The following ZNF704 variants were observed in gnomAD, a reference collection of about 807,000 sequenced individuals.
The protein encoded by ZNF704 is zinc finger protein 704, also known as glucocorticoid induced gene 1.
Under a neutral mutation model 44.7 loss-of-function variants are expected in ZNF704, and 10 were observed. The ratio of observed to expected loss-of-function variants is 0.22; its 90% confidence interval spans 0.14 to 0.38. The LOEUF (loss-of-function observed/expected upper bound fraction) is 0.38, where lower values mean the gene tolerates loss of function less well. ZNF704 is among the 10% of genes least tolerant of loss of function. ZNF704 has a pLI of 1.00. For missense variants in ZNF704, 390 were observed against 545.5 expected (o/e 0.71, Z 2.84); for synonymous variants, 211 against 207.6 (o/e 1.02, Z -0.14).
intron 7 of ZNF704, among the ~76,000 whole-genome samples, chr8:80,648,412 A>G (rs951850909): frequency 2.0e-5 from 3 of 152,154 alleles, no homozygotes; most frequent in African/African-American, 7.2e-5. Context: ...CAGACTTTTA[A>G]TGGCAAGACA....
rs943210939 is a variant in ZNF704 at position 80,853,220 on chromosome 8, G to T, written c.-22+21351C>A. Among the ~76,000 whole-genome samples the T allele has an allele frequency of 5.3e-5, 8 of 152,170 alleles. No homozygotes were observed. In the South Asian group the frequency reaches 8.3e-4, roughly 16 times the overall value. The stretch of plus-strand genomic sequence containing the variant: ...CTCTGTAAAACAAAGACAAAAATTA[G>T]CCAGGCATGGTGGTGTGTTCCTGTA... On this transcript the variant is annotated intron_variant, in intron 1 of 8. Coordinates refer to ENST00000327835, the MANE Select transcript of ZNF704 (RefSeq NM_001033723.3).
At chr8:80,852,498 G>A (rs1808881655) in intron 1 of ZNF704, among the ~76,000 whole-genome samples, 1 of 152,146 alleles carries the variant, frequency 6.6e-6, no homozygotes, top group South Asian at 2.1e-4. Context: ...ATGGCACAAA[G>A]TCATCATTGT....
chr8:80,752,771 C>T (rs534825562), intron 2 of ZNF704, among the ~76,000 whole-genome samples: 1 of 152,128 alleles, frequency 6.6e-6, no homozygotes, highest in Admixed American at 6.5e-5. Context: ...AAACTCCCGA[C>T]CTCAGGTGAT....
At chr8:80,721,019 C>T (rs59274908) in intron 2 of ZNF704, among the ~76,000 whole-genome samples, 6,576 of 152,240 alleles carry the variant, frequency 0.043, 508 homozygotes, top group African/African-American at 0.15. Context: ...TGTGTGACCA[C>T]CACCCTTCTT....
At chr8:80,764,943 T>C (rs1356084544) in intron 2 of ZNF704, among the ~76,000 whole-genome samples, 2 of 152,198 alleles carry the variant, frequency 1.3e-5, no homozygotes, top group South Asian at 2.1e-4. Context: ...CAATAGCATA[T>C]GCATATGAGA....
intron 6 of ZNF704, among the ~76,000 whole-genome samples, chr8:80,662,204 C>G (rs1386467918): frequency 6.6e-6 from 1 of 152,056 alleles, no homozygotes; most frequent in Non-Finnish European, 1.5e-5. Flanking sequence ...TTAAAAACTG[C>G]AAATGTATAA....
intron 5 of ZNF704, among the ~76,000 whole-genome samples, chr8:80,668,853 T>C (rs568538948): frequency 1.3e-5 from 2 of 152,182 alleles, no homozygotes; most frequent in Admixed American, 6.5e-5. Context: ...CAAATGTATG[T>C]TCCCTCTCCC....
intron 2 of ZNF704, among the ~76,000 whole-genome samples, chr8:80,745,091 C>T (rs1253878199): frequency 6.6e-6 from 1 of 151,970 alleles, no homozygotes; most frequent in African/African-American, 2.4e-5. Flanking sequence ...AAGAGGACAC[C>T]CATTTCTTCT....
chr8:80,798,163 G>A (rs1382037789), intron 2 of ZNF704, among the ~76,000 whole-genome samples: 2 of 151,944 alleles, frequency 1.3e-5, no homozygotes, highest in East Asian at 3.9e-4. Context: ...CAGCCAAGTT[G>A]TCAGTTTATA....
chr8:80,652,895 T>C (rs1473614257), intron 7 of ZNF704, among the ~76,000 whole-genome samples: 1 of 152,222 alleles, frequency 6.6e-6, no homozygotes, highest in Non-Finnish European at 1.5e-5. Context: ...ATATCCCTGA[T>C]GAACATTGAT....
In ZNF704 at chr8:80,651,658, T is replaced by C. The variant is rs549759003; in HGVS notation, c.1032+7927A>G. Among the ~76,000 whole-genome samples the C allele has an allele frequency of 4.6e-5, 7 of 152,252 alleles. No homozygotes were observed. The South Asian group carries it at 1.5e-3, about 32-fold the overall frequency. On this transcript the variant is annotated intron_variant, in intron 7 of 8. Coordinates refer to ENST00000327835, the MANE Select transcript of ZNF704 (RefSeq NM_001033723.3). ...TGCACCCAATACAGGAGCAGCCAGATTCATAAAGCAAGTCCTTAGAGACCT... is the reference window on the plus strand; with the variant it reads ...TGCACCCAATACAGGAGCAGCCAGACTCATAAAGCAAGTCCTTAGAGACCT...
At chr8:80,665,883 G>T (rs1397915301) in intron 5 of ZNF704, among the ~76,000 whole-genome samples, 1 of 150,702 alleles carries the variant, frequency 6.6e-6, no homozygotes, top group African/African-American at 2.4e-5. Context: ...CATACTTCCT[G>T]CACAGCCTGT....
chr8:80,830,156 G>A (rs1455597800), intron 1 of ZNF704, among the ~76,000 whole-genome samples: 1 of 152,150 alleles, frequency 6.6e-6, no homozygotes, highest in Admixed American at 6.6e-5. Flanking sequence ...AAGAAGCTGG[G>A]CTCGGAAATG....
intron 1 of ZNF704, among the ~76,000 whole-genome samples, chr8:80,849,721 G>C (rs182021396): frequency 2.3e-4 from 35 of 152,322 alleles, no homozygotes; most frequent in African/African-American, 8.4e-4. Flanking sequence ...TGGCAAGGGT[G>C]ATGGATTTTC....
rs376079882 is a variant in ZNF704, at chr8:80,847,987, C to T, written c.-21-26372G>A. ...ATACAAAAATGTATACATGAATGTT[C>T]ATCACAGCTTTATTCATAATATCCC... is the stretch of plus-strand genomic sequence containing the variant. On this transcript the variant is annotated intron_variant, in intron 1 of 8. Coordinates refer to ENST00000327835, the MANE Select transcript of ZNF704 (RefSeq NM_001033723.3). Among the ~76,000 whole-genome samples, 18 of 152,290 alleles carry T rather than the reference C, an allele frequency of 1.2e-4. No homozygotes were observed. The East Asian group carries it at 3.3e-3, about 28-fold the overall frequency.
intron 2 of ZNF704, among the ~76,000 whole-genome samples, chr8:80,778,773 C>T (rs1200752735): frequency 6.6e-6 from 1 of 152,140 alleles, no homozygotes; most frequent in Non-Finnish European, 1.5e-5. Flanking sequence ...CCAAATGCCG[C>T]ATCTTCTCAC....
At chr8:80,747,734 T>A (rs1280968466) in intron 2 of ZNF704, among the ~76,000 whole-genome samples, 1 of 152,246 alleles carries the variant, frequency 6.6e-6, no homozygotes, top group Non-Finnish European at 1.5e-5. Context: ...GTTTGTTTTT[T>A]TGAGACGGAG....
chr8:80,791,338 C>G (rs1403976513), intron 2 of ZNF704, among the ~76,000 whole-genome samples: 1 of 152,156 alleles, frequency 6.6e-6, no homozygotes, highest in Non-Finnish European at 1.5e-5. Context: ...CATCCCTGTC[C>G]CTGCAGATCC....
At chr8:80,822,445 T>C (rs759562648) in intron 1 of ZNF704, among the ~76,000 whole-genome samples, 16 of 152,226 alleles carry the variant, frequency 1.1e-4, no homozygotes, top group African/African-American at 1.9e-4. Flanking sequence ...CAGTCTATCA[T>C]TGATGGGACA....
Sources: gnomAD v4.1 joint callset for allele counts (sites outside exome capture counted in the v4.1 genomes callset) on GRCh38, gnomAD v4.1.1 for gene constraint, MANE v1.5 for transcripts, NCBI Gene and HGNC (gene_info 2026-07-23, HGNC 2026-07-21) for gene names.